CAST: variants seen among roughly 807,000 people sequenced by gnomAD.
CAST encodes the protein calpastatin, also known as MIR583 host.
Under a neutral mutation model 119.6 loss-of-function variants are expected in CAST, and 76 were observed. The ratio of observed to expected loss-of-function variants is 0.64; its 90% CI spans 0.53 to 0.77. The LOEUF (loss-of-function observed/expected upper bound fraction) is 0.77, where lower values mean the gene tolerates loss of function less well. CAST is among the 30% of genes least tolerant of loss of function. CAST has a pLI of 0.00. For missense variants in CAST, 953 were observed against 946.5 expected, an observed-to-expected ratio of 1.01 and a Z score of -0.09; for synonymous variants, 319 against 331.6, an observed-to-expected ratio of 0.96 and a Z score of 0.41.
intron 20 of CAST, among the ~76,000 whole-genome samples, chr5:96,752,644 C>A (rs1045647038): frequency 4.1e-5 from 5 of 121,394 alleles, no homozygotes; most frequent in African/African-American, 1.6e-4. Context: ...CTAGGTGGTG[C>A]TAAATCACTT....
At chr5:96,217,476 C>T in the CAST span, among the ~76,000 whole-genome samples, 34 of 151,968 alleles carry the variant, frequency 2.2e-4, no homozygotes, top group South Asian at 4.2e-4. Flanking sequence ...CATTTGGTGC[C>T]GCTCCCTTGA....
At chr5:96,413,450 G>T in the CAST span, among the ~76,000 whole-genome samples, 5 of 152,292 alleles carry the variant, frequency 3.3e-5, no homozygotes, top group African/African-American at 9.6e-5. Context: ...AAGGTAAAAT[G>T]ATATGAAATT....
the CAST span, among the ~76,000 whole-genome samples, chr5:96,066,492 A>C: frequency 6.6e-6 from 1 of 151,672 alleles, no homozygotes; most frequent in Admixed American, 6.6e-5. Flanking sequence ...TTTCAGGGCA[A>C]ATTCTTGCCT....
chr5:96,459,707 C>T, the CAST span, among the ~76,000 whole-genome samples: 4 of 152,230 alleles, frequency 2.6e-5, no homozygotes, highest in African/African-American at 7.2e-5. Context: ...GGCAATCAGA[C>T]CCAATATAGG....
At chr5:96,385,510 T>C in the CAST span, among the ~76,000 whole-genome samples, 1 of 152,226 alleles carries the variant, frequency 6.6e-6, no homozygotes, top group Admixed American at 6.5e-5. Context: ...TCAGTTTCCA[T>C]ATATGTAAAA....
At chr5:96,360,282 G>A in the CAST span, among the ~76,000 whole-genome samples, 1 of 151,882 alleles carries the variant, frequency 6.6e-6, no homozygotes, top group African/African-American at 2.4e-5. Flanking sequence ...GTTAGAACAT[G>A]CTCCTTTAGC....
the CAST span, among the ~76,000 whole-genome samples, chr5:96,381,083 C>T: frequency 3.9e-5 from 6 of 152,210 alleles, no homozygotes; most frequent in East Asian, 1.2e-3. Context: ...TATACTTCAA[C>T]CAAAATTTCA....
At chr5:96,512,389 T>C in the CAST span, among the ~76,000 whole-genome samples, 1 of 152,304 alleles carries the variant, frequency 6.6e-6, no homozygotes, top group Non-Finnish European at 1.5e-5. Context: ...CCTCAATCAG[T>C]AGGCCACTTC....
chr5:96,578,910 G>A (rs943114802), intron 1 of CAST, among the ~76,000 whole-genome samples: 5 of 152,176 alleles, frequency 3.3e-5, no homozygotes, highest in Admixed American at 6.5e-5. Context: ...GATTCCAATA[G>A]CAGTTTAATT....
chr5:95,990,948 G>A, the CAST span, among the ~76,000 whole-genome samples: 1 of 152,028 alleles, frequency 6.6e-6, no homozygotes, highest in Admixed American at 6.6e-5. Context: ...GAAAATATTT[G>A]TACTTAAGGG....
intron 1 of CAST, among the ~76,000 whole-genome samples, chr5:96,561,786 G>GGTTTTGTTTTTTTTT (rs1189100090): frequency 2.8e-5 from 3 of 105,432 alleles, no homozygotes; most frequent in Non-Finnish European, 5.6e-5. Flanking sequence ...TTATATATAT[G>GGTTTTGTTTTTTTTT]TTTTTTTTTG....
chr5:96,176,996 A>G, the CAST span, among the ~76,000 whole-genome samples: 1 of 152,214 alleles, frequency 6.6e-6, no homozygotes, highest in East Asian at 1.9e-4. Context: ...AATTCAAATA[A>G]CTTTTCATGT....
At chr5:96,496,882 G>T in the CAST span, among the ~76,000 whole-genome samples, 25 of 151,548 alleles carry the variant, frequency 1.6e-4, no homozygotes, top group African/African-American at 5.6e-4. Context: ...TATTATACTT[G>T]AAGTTTTAGA....
the CAST span, among the ~76,000 whole-genome samples, chr5:96,230,258 C>T: frequency 1.3e-5 from 2 of 152,140 alleles, no homozygotes; most frequent in African/African-American, 2.4e-5. Context: ...GGCAGAGGCA[C>T]AAAGTCTTCC....
In CAST at chr5:96,740,732, A is replaced by G. The variant is rs1423847096; in HGVS notation, c.880-13A>G. 1 of 1,589,782 alleles carries G rather than the reference A, an allele frequency of 6.3e-7. No individual in the cohort carries two copies. Among genetic ancestry groups the G allele is most frequent in the Non-Finnish European group, 8.6e-7 (1 of 1,157,764 alleles). On this transcript the variant is annotated splice_polypyrimidine_tract_variant and intron_variant, in intron 12 of 31. Transcript: ENST00000675179. ...CTACCTTCTCAACATCATCAAATTAATATTTGTTTCAGAAAAAGGAAGGGA... is the reference window on the plus strand; with the variant it reads ...CTACCTTCTCAACATCATCAAATTAGTATTTGTTTCAGAAAAAGGAAGGGA...
the CAST span, among the ~76,000 whole-genome samples, chr5:96,150,464 G>A: frequency 1.3e-5 from 2 of 152,192 alleles, no homozygotes; most frequent in Non-Finnish European, 2.9e-5. Context: ...CTAGTAGGGA[G>A]GAGGCTTCCA....
chr5:96,383,312 G>A, the CAST span, among the ~76,000 whole-genome samples: 8 of 152,152 alleles, frequency 5.3e-5, no homozygotes, highest in Non-Finnish European at 7.4e-5. Flanking sequence ...TTAGCATACC[G>A]GAGGAAGGCT....
At chr5:96,217,419 G>T in the CAST span, among the ~76,000 whole-genome samples, 1 of 151,784 alleles carries the variant, frequency 6.6e-6, no homozygotes, top group African/African-American at 2.4e-5. Flanking sequence ...TCTTTCTGTT[G>T]ATTGGTAGTG....
At chr5:96,727,095 T>C (rs1439855159) in intron 5 of CAST, among the ~76,000 whole-genome samples, 1 of 152,200 alleles carries the variant, frequency 6.6e-6, no homozygotes, top group South Asian at 2.1e-4. Context: ...CCAAAACCCG[T>C]GATGAATATT....
Sources: gnomAD v4.1 joint callset for allele counts (sites outside exome capture counted in the v4.1 genomes callset) on GRCh38, gnomAD v4.1.1 for gene constraint, MANE v1.5 for transcripts, NCBI Gene and HGNC (gene_info 2026-07-23, HGNC 2026-07-21) for gene names.